Variants in CHUK observed in about 807,000 individuals in gnomAD.
CHUK encodes the protein inhibitor of nuclear factor kappa-B kinase subunit alpha.
CHUK carries 35 observed loss-of-function variants against 104.8 expected under a neutral mutation model. The ratio of observed to expected loss-of-function variants is 0.33; its 90% confidence interval spans 0.26 to 0.44. CHUK has a LOEUF of 0.44. Ranked by LOEUF, CHUK falls within the 20% of genes least tolerant of loss-of-function variation. The probability of loss-of-function intolerance (pLI) is 1.00; values close to 1 mark genes in which losing one functional copy is unlikely to be tolerated. For missense variants in CHUK, 663 were observed against 902.7 expected, an observed-to-expected ratio of 0.73 and a Z score of 3.40; for synonymous variants, 276 against 291.9, an observed-to-expected ratio of 0.95 and a Z score of 0.56.
At chr10:100,215,777 G>A (rs1308187522) in intron 9 of CHUK, among the ~76,000 whole-genome samples, 5 of 152,038 alleles carry the variant, frequency 3.3e-5, no homozygotes, top group East Asian at 1.9e-4. Flanking sequence ...AACATTTTGG[G>A]AAAATGTCCT....
At chr10:100,191,609 C>G (rs966407188) in intron 19 of CHUK, among the ~76,000 whole-genome samples, 7 of 152,218 alleles carry the variant, frequency 4.6e-5, no homozygotes, top group African/African-American at 1.2e-4. Flanking sequence ...TACCTTCATG[C>G]TTTCCTCTTC....
downstream of CHUK, chr10:100,187,635 T>C (rs773417140): frequency 8.5e-5 from 13 of 152,134 alleles, no homozygotes; most frequent in Non-Finnish European, 1.8e-4. Context: ...CACCAAAAAA[T>C]AGTGGTCCAA....
intron 9 of CHUK, among the ~76,000 whole-genome samples, chr10:100,212,499 T>C (rs1052383917): frequency 6.6e-6 from 1 of 152,248 alleles, no homozygotes; most frequent in Non-Finnish European, 1.5e-5. Flanking sequence ...TTTACATTTT[T>C]GGTATTGAGT....
intron 9 of CHUK, among the ~76,000 whole-genome samples, chr10:100,214,167 G>T (rs1845799979): frequency 6.6e-6 from 1 of 152,072 alleles, no homozygotes; most frequent in African/African-American, 2.4e-5. Context: ...CAAAGCTCCA[G>T]GCCAGAAGGA....
chr10:100,199,842 T>A (rs906343492), intron 16 of CHUK, 129 bp downstream of exon 16: 2 of 745,128 alleles, frequency 2.7e-6, no homozygotes, highest in African/African-American at 3.5e-5. Flanking sequence ...TCAATGGCAA[T>A]ACCAAAACTG....
chr10:100,228,330 G>T (rs1016791428), intron 1 of CHUK, among the ~76,000 whole-genome samples: 1 of 152,128 alleles, frequency 6.6e-6, no homozygotes, highest in South Asian at 2.1e-4. Context: ...CTGGGGAAAG[G>T]GTTCACAGCT....
At chr10:100,207,172 G>C (rs1002269779) in intron 11 of CHUK, 58 bp downstream of exon 11, 8 of 833,086 alleles carry the variant, frequency 9.6e-6, no homozygotes, top group East Asian at 4.9e-5. Flanking sequence ...ATCATACTGA[G>C]AGTCAAAGTT....
chr10:100,211,806 A>G (rs1189257885), intron 9 of CHUK, among the ~76,000 whole-genome samples: 3 of 152,128 alleles, frequency 2.0e-5, no homozygotes, highest in Non-Finnish European at 4.4e-5. Flanking sequence ...GAGTGCAAAT[A>G]TCTCTTCACA....
intron 13 of CHUK, among the ~76,000 whole-genome samples, chr10:100,203,542 G>T (rs7923726): frequency 0.51 from 77,391 of 151,672 alleles, 20,517 homozygotes; most frequent in African/African-American, 0.65. Context: ...GAGATACACA[G>T]AGTTTGCTCA....
Position 100,189,307 on chromosome 10 carries a change from G to A in CHUK, c.*291C>T. On this transcript the variant is annotated 3_prime_UTR_variant, in exon 21 of 21. Transcript: ENST00000370397. ...AAATAAGTAATGTTTTACCAAGACTGAAGGCAAATGTGTCGTGATGATGCT... is the reference window on the plus strand; with the variant it reads ...AAATAAGTAATGTTTTACCAAGACTAAAGGCAAATGTGTCGTGATGATGCT... 2.6e-6 allele frequency: 1 copy of A among 379,966 alleles called. No homozygotes were observed. The highest frequency in any genetic ancestry group is 4.8e-6 in the Non-Finnish European group (1 of 208,568). 23.5% of individuals were successfully genotyped at this position (379,966 alleles called of 1,614,324 possible). A position where few individuals can be genotyped will look rare whatever the true frequency, so the allele number is the denominator to read the frequency against.
At position 100,218,672 on chromosome 10, in the gene CHUK, A is replaced by G. The variant is rs761405334; in HGVS notation, c.797+46T>C. On this transcript the variant is annotated intron_variant, in intron 8 of 20. Coordinates refer to ENST00000370397, the MANE Select transcript of CHUK (RefSeq NM_001278.5). The stretch of plus-strand genomic sequence containing the variant: ...ACAACTACTCTCCTGCTCCTTTACA[A>G]CTCTGGAGAAACTGAGGCAAACTTC... The G allele has an allele frequency of 8.2e-6, 10 of 1,225,432 alleles. No homozygotes were observed. In the East Asian group the frequency reaches 2.1e-4, roughly 26 times the overall value. The allele number at this position is 1,225,432 out of a possible 1,614,324, so 75.9% of individuals were successfully genotyped here.
chr10:100,193,811 T>G, intron 18 of CHUK, 173 bp downstream of exon 18: 1 of 656,838 alleles, frequency 1.5e-6, no homozygotes, highest in Non-Finnish European at 2.7e-6. Context: ...GAGATGATAA[T>G]AAGTCCTGCA....
intron 19 of CHUK, 69 bp downstream of exon 19, chr10:100,193,226 TAAC>T (rs1230677764): frequency 6.5e-7 from 1 of 1,547,872 alleles, no homozygotes; most frequent in Non-Finnish European, 8.9e-7. Flanking sequence ...AAGACTACCT[TAAC>T]AACTACTGCC....
At chr10:100,226,863 C>T (rs7919404) in intron 1 of CHUK, among the ~76,000 whole-genome samples, 1 of 151,978 alleles carries the variant, frequency 6.6e-6, no homozygotes, top group Non-Finnish European at 1.5e-5. Flanking sequence ...GGTGGGGAAG[C>T]AAGACATAGC....
chr10:100,222,144 T>G lies in CHUK; in HGVS notation c.353A>C (p.Glu118Ala). The G allele has an allele frequency of 6.3e-7, 1 of 1,597,274 alleles. No individual in the cohort carries two copies. The highest frequency in any genetic ancestry group is 8.6e-7 in the Non-Finnish European group (1 of 1,165,922). ...NKPENCCGLK[E>A]SQILSLLSDI... Reference sequence around the variant, plus strand: ...ACTTAGTAAAGAAAGTATCTGGCTTTCTTTAAGTCCACAACAATTTTCTGG... The same window carrying G: ...ACTTAGTAAAGAAAGTATCTGGCTTGCTTTAAGTCCACAACAATTTTCTGG... The change falls in exon 4 of 21, where the codon GAA (glutamate) becomes GCA (alanine). Residue 118 changes from glutamate to alanine, a missense_variant. Physicochemically the swap from Glu to Ala is moderately radical, Grantham distance 107 (BLOSUM62 -1). Coordinates refer to ENST00000370397, the MANE Select transcript of CHUK (RefSeq NM_001278.5).
At chr10:100,194,742 T>C in intron 16 of CHUK, 1 of 366,544 alleles carries the variant, frequency 2.7e-6, no homozygotes, top group Admixed American at 4.1e-5. Flanking sequence ...ATAATGTATA[T>C]ATAAATTTAT....
chr10:100,187,335 A>G (rs1200222399), downstream of CHUK: 1 of 152,270 alleles, frequency 6.6e-6, no homozygotes, highest in Admixed American at 6.5e-5. Context: ...ATCCGTCTTC[A>G]TTAAAGCAAG....
chr10:100,229,412 T>A lies in CHUK; in HGVS notation c.105+16A>T, dbSNP rs754017604. 1.9e-6 allele frequency: 3 copies of A among 1,589,212 alleles called. No individual in the cohort carries two copies. The highest frequency in any genetic ancestry group is 2.6e-6 in the Non-Finnish European group (3 of 1,167,436). ...CGCTCCAACCCACCGCCGCTCCCTC[T>A]CACGCCCCGCCTCACCCGATGCTGG... is the stretch of plus-strand genomic sequence containing the variant. On this transcript the variant is annotated intron_variant, in intron 1 of 20. Coordinates refer to ENST00000370397, the MANE Select transcript of CHUK (RefSeq NM_001278.5).
intron 5 of CHUK, among the ~76,000 whole-genome samples, chr10:100,220,103 G>T (rs929454853): frequency 6.6e-6 from 1 of 152,086 alleles, no homozygotes; most frequent in Non-Finnish European, 1.5e-5. Context: ...CACAATTTCT[G>T]GTTCTTCTCC....
Sources: allele counts gnomAD v4.1 joint callset (sites outside exome capture counted in the v4.1 genomes callset), GRCh38; gene constraint gnomAD v4.1.1; transcripts MANE v1.5; gene names NCBI Gene and HGNC (gene_info 2026-07-23, HGNC 2026-07-21).